Variants in KANK1 observed in about 807,000 individuals in gnomAD.
The protein encoded by KANK1 is KN motif and ankyrin repeat domain-containing protein 1.
Under a neutral mutation model 106.2 loss-of-function variants are expected in KANK1, and 109 were observed. The ratio of observed to expected loss-of-function variants is 1.03; its 90% CI spans 0.88 to 1.20. The LOEUF (loss-of-function observed/expected upper bound fraction) is 1.20. Among genes scored for constraint, KANK1 ranks in the 50% most tolerant of loss-of-function variants. The pLI, the probability that KANK1 is intolerant of heterozygous loss-of-function variation, is 0.00. For synonymous variants in KANK1, 873 were observed against 652.2 expected, an observed-to-expected ratio of 1.34 and a Z score of -5.16; for missense variants, 2,399 against 1,710.7, an observed-to-expected ratio of 1.40 and a Z score of -7.10.
chr9:737,853 A>T (rs1834212402), intron 7 of KANK1, among the ~76,000 whole-genome samples: 1 of 152,222 alleles, frequency 6.6e-6, no homozygotes, highest in African/African-American at 2.4e-5. Context: ...GGCCAGTATG[A>T]TTACATCATA....
At chr9:579,444 T>A (rs1821454833) in intron 1 of KANK1, among the ~76,000 whole-genome samples, 1 of 152,182 alleles carries the variant, frequency 6.6e-6, no homozygotes, top group Admixed American at 6.5e-5. Flanking sequence ...TGTCTCTGTG[T>A]GTTGTCCCTG....
At chr9:609,145 A>C (rs1042697391) in intron 1 of KANK1, among the ~76,000 whole-genome samples, 5 of 152,132 alleles carry the variant, frequency 3.3e-5, no homozygotes, top group African/African-American at 1.2e-4. Context: ...CATAAATAGC[A>C]ATTGGCTTTA....
intron 1 of KANK1, among the ~76,000 whole-genome samples, chr9:661,797 A>G (rs1843378455): frequency 6.6e-6 from 1 of 152,104 alleles, no homozygotes. Context: ...TTGTTCCCTG[A>G]CATTTTAATG....
At chr9:599,256 G>A (rs1253909242) in intron 1 of KANK1, among the ~76,000 whole-genome samples, 2 of 151,384 alleles carry the variant, frequency 1.3e-5, no homozygotes, top group African/African-American at 2.4e-5. Context: ...GACCTCAGGT[G>A]ATCTGCCCAT....
chr9:480,734 G>T (rs913704), intron 3 of KANK1, among the ~76,000 whole-genome samples: 2 of 152,076 alleles, frequency 1.3e-5, no homozygotes, highest in African/African-American at 2.4e-5. Context: ...CAGGGGAGCC[G>T]TGTATTAGAG....
upstream of KANK1, among the ~76,000 whole-genome samples, chr9:503,959 G>A (rs1258767956): frequency 6.6e-6 from 1 of 152,204 alleles, no homozygotes; most frequent in Non-Finnish European, 1.5e-5. Flanking sequence ...TTTCCGCCGA[G>A]GACTCTGTCC....
chr9:665,896 G>A (rs1052999064), intron 1 of KANK1, among the ~76,000 whole-genome samples: 1 of 152,054 alleles, frequency 6.6e-6, no homozygotes, highest in Non-Finnish European at 1.5e-5. Context: ...TTGATTCTCA[G>A]GGGCCAGGCA....
intron 1 of KANK1, among the ~76,000 whole-genome samples, chr9:556,597 A>G (rs1042751397): frequency 6.6e-6 from 1 of 152,228 alleles, no homozygotes; most frequent in East Asian, 1.9e-4. Flanking sequence ...CATTGATCCA[A>G]AGTGAGATTT....
At chr9:597,830 A>AT (rs1229294920) in intron 1 of KANK1, among the ~76,000 whole-genome samples, 2 of 150,550 alleles carry the variant, frequency 1.3e-5, no homozygotes, top group South Asian at 4.2e-4. Context: ...CGCCTGGCTA[A>AT]TTTTTTTGTA....
intron 1 of KANK1, among the ~76,000 whole-genome samples, chr9:606,195 T>A (rs966292933): frequency 6.6e-6 from 1 of 150,548 alleles, no homozygotes; most frequent in Non-Finnish European, 1.5e-5. Flanking sequence ...CTCACACATA[T>A]ATACGTACAT....
At chr9:675,826 C>G (rs1484786025) in intron 1 of KANK1, among the ~76,000 whole-genome samples, 1 of 152,112 alleles carries the variant, frequency 6.6e-6, no homozygotes, top group Non-Finnish European at 1.5e-5. Context: ...GTAGGCTGCT[C>G]AACTGATTAT....
At chr9:652,438 A>G (rs1050677753) in intron 1 of KANK1, among the ~76,000 whole-genome samples, 1 of 152,140 alleles carries the variant, frequency 6.6e-6, no homozygotes. Flanking sequence ...CAAGAGAATC[A>G]CTTGAATCTG....
chr9:740,301 C>T (rs532362140), intron 8 of KANK1, among the ~76,000 whole-genome samples: 2 of 152,164 alleles, frequency 1.3e-5, no homozygotes, highest in African/African-American at 2.4e-5. Flanking sequence ...TCAGGACCCC[C>T]GACAGGCCAG....
chr9:536,612 A>T (rs1021104217), intron 1 of KANK1, among the ~76,000 whole-genome samples: 3 of 152,176 alleles, frequency 2.0e-5, no homozygotes, highest in Non-Finnish European at 4.4e-5. Flanking sequence ...ATGTGATCCC[A>T]TCTTTCTGTC....
intron 1 of KANK1, among the ~76,000 whole-genome samples, chr9:515,242 G>C (rs2059227762): frequency 6.6e-6 from 1 of 151,346 alleles, no homozygotes. Flanking sequence ...CTACTCGGGA[G>C]GCTGAGGCAG....
intron 6 of KANK1, chr9:733,574 C>A (rs1260512583): frequency 6.6e-6 from 1 of 152,144 alleles, no homozygotes; most frequent in Non-Finnish European, 1.5e-5. Context: ...CGCTTGAGCA[C>A]AGGAGTTTGA....
At chr9:501,597 C>T (rs10974856), upstream of KANK1, among the ~76,000 whole-genome samples, 5,905 of 143,690 alleles carry the variant, frequency 0.041, 374 homozygotes, top group African/African-American at 0.15. Flanking sequence ...TACAGGTATT[C>T]GCCCACGCAC....
At chr9:693,007 A>G (rs1820343636) in intron 2 of KANK1, among the ~76,000 whole-genome samples, 1 of 152,136 alleles carries the variant, frequency 6.6e-6, no homozygotes, top group Admixed American at 6.5e-5. Flanking sequence ...ATCTCAAAAA[A>G]GAACTTTTTT....
intron 1 of KANK1, among the ~76,000 whole-genome samples, chr9:545,680 C>G (rs9299012): frequency 2.0e-5 from 3 of 148,696 alleles, no homozygotes; most frequent in Non-Finnish European, 4.5e-5. Context: ...TTCATGGCAG[C>G]GTGACAGCAT....
Sources: gnomAD v4.1 joint callset for allele counts (sites outside exome capture counted in the v4.1 genomes callset) on GRCh38, gnomAD v4.1.1 for gene constraint, MANE v1.5 for transcripts, NCBI Gene and HGNC (gene_info 2026-07-23, HGNC 2026-07-21) for gene names.